ACTR3C: variants seen among roughly 807,000 people sequenced by gnomAD.
The protein encoded by ACTR3C is actin related protein 3C.
ACTR3C carries 18 observed loss-of-function variants against 26.3 expected under a neutral mutation model. The ratio of observed to expected loss-of-function variants is 0.68; its 90% CI spans 0.47 to 1.01. The LOEUF (loss-of-function observed/expected upper bound fraction) is 1.01. ACTR3C is among the 50% of genes least tolerant of loss of function. The pLI is 0.00. For synonymous variants in ACTR3C, 55 were observed against 94.5 expected (o/e 0.58, Z 2.42); for missense variants, 184 against 250.7 (o/e 0.73, Z 1.80).
the ACTR3C span, among the ~76,000 whole-genome samples, chr7:150,118,940 T>TAAA: frequency 2.3e-4 from 32 of 141,016 alleles, no homozygotes; most frequent in Admixed American, 3.5e-4. Context: ...TCAACATTCT[T>TAAA]AAAAAAAAAA....
chr7:150,285,314 G>A (rs1388084017), intron 5 of ACTR3C, among the ~76,000 whole-genome samples: 1 of 152,190 alleles, frequency 6.6e-6, no homozygotes, highest in Admixed American at 6.5e-5. Flanking sequence ...TTTGTTTAAT[G>A]AGAAGGGTTT....
chr7:149,965,071 T>A, the ACTR3C span, among the ~76,000 whole-genome samples: 2 of 151,934 alleles, frequency 1.3e-5, no homozygotes, highest in Non-Finnish European at 2.9e-5. Flanking sequence ...ATTTAACTTT[T>A]CAGAGAGTAC....
the ACTR3C span, among the ~76,000 whole-genome samples, chr7:150,169,689 GAC>G: frequency 6.6e-6 from 1 of 150,794 alleles, no homozygotes; most frequent in Non-Finnish European, 1.5e-5. Context: ...GAAATAGAAA[GAC>G]ACAATTAAGT....
the ACTR3C span, among the ~76,000 whole-genome samples, chr7:150,192,810 TTG>T: frequency 2.0e-5 from 3 of 152,226 alleles, no homozygotes; most frequent in Admixed American, 2.0e-4. Flanking sequence ...TCAAATTTTA[TTG>T]TCAGTTCCTC....
the ACTR3C span, among the ~76,000 whole-genome samples, chr7:149,933,578 C>G: frequency 9.2e-5 from 14 of 152,162 alleles, no homozygotes; most frequent in Non-Finnish European, 1.5e-4. Context: ...CAACAAAAAG[C>G]CATGAGCAAG....
the ACTR3C span, among the ~76,000 whole-genome samples, chr7:149,922,815 T>C: frequency 6.6e-6 from 1 of 151,874 alleles, no homozygotes; most frequent in African/African-American, 2.4e-5. Context: ...CAGAGAACTT[T>C]TCCTAAATGA....
the ACTR3C span, among the ~76,000 whole-genome samples, chr7:150,215,704 C>G: frequency 6.6e-6 from 1 of 151,546 alleles, no homozygotes; most frequent in Admixed American, 6.6e-5. Flanking sequence ...TACCCTCAGA[C>G]AAAACGATTA....
the ACTR3C span, among the ~76,000 whole-genome samples, chr7:150,196,675 C>T: frequency 6.6e-5 from 10 of 152,246 alleles, no homozygotes; most frequent in African/African-American, 2.4e-4. Flanking sequence ...AACAGTTTTG[C>T]GCTTGGAAAT....
At chr7:150,125,546 C>A in the ACTR3C span, among the ~76,000 whole-genome samples, 1 of 151,908 alleles carries the variant, frequency 6.6e-6, no homozygotes, top group Non-Finnish European at 1.5e-5. Context: ...ACAGAAGACT[C>A]CTTTCATAAG....
At chr7:150,322,545 T>C (rs2108851) in intron 1 of ACTR3C, 38,563 of 151,914 alleles carry the variant, frequency 0.25, 5,064 homozygotes, top group East Asian at 0.42. Context: ...ATACTCTATA[T>C]GGTCTAAAAA....
the ACTR3C span, among the ~76,000 whole-genome samples, chr7:150,093,940 T>C: frequency 1.3e-5 from 2 of 150,702 alleles, 1 homozygote; most frequent in African/African-American, 5.0e-5. Flanking sequence ...CCCTGTAGAT[T>C]AGCTTATTGC....
At chr7:150,046,156 G>A in the ACTR3C span, among the ~76,000 whole-genome samples, 1 of 152,140 alleles carries the variant, frequency 6.6e-6, no homozygotes, top group Non-Finnish European at 1.5e-5. Flanking sequence ...AAAATCTGAC[G>A]CAGGGCTGTA....
At chr7:149,909,086 A>T in the ACTR3C span, among the ~76,000 whole-genome samples, 1 of 151,236 alleles carries the variant, frequency 6.6e-6, no homozygotes, top group African/African-American at 2.4e-5. Flanking sequence ...CCAGCCAAGA[A>T]TCCTATCCTT....
chr7:150,175,341 CAT>C, the ACTR3C span, among the ~76,000 whole-genome samples: 1 of 142,366 alleles, frequency 7.0e-6, no homozygotes, highest in Non-Finnish European at 1.5e-5. Context: ...TGGAGATACA[CAT>C]GTTCCCCACC....
the ACTR3C span, among the ~76,000 whole-genome samples, chr7:149,938,872 T>C: frequency 6.7e-6 from 1 of 149,792 alleles, no homozygotes; most frequent in South Asian, 2.1e-4. Context: ...TTAATCTTCA[T>C]CTATTACAGT....
intron 6 of ACTR3C, among the ~76,000 whole-genome samples, chr7:150,278,082 C>T (rs1254934758): frequency 6.6e-6 from 1 of 152,286 alleles, no homozygotes; most frequent in Admixed American, 6.5e-5. Flanking sequence ...TCACACTCCC[C>T]ATTCCCACAT....
the ACTR3C span, chr7:150,076,430 G>T: frequency 1.3e-5 from 2 of 152,168 alleles, no homozygotes; most frequent in African/African-American, 2.4e-5. Context: ...CTGCTAATTT[G>T]TGGATTGATA....
At chr7:150,161,420 T>C in the ACTR3C span, among the ~76,000 whole-genome samples, 1 of 151,538 alleles carries the variant, frequency 6.6e-6, no homozygotes. Context: ...TGTGTCCAAG[T>C]GTTCTCATTG....
the ACTR3C span, among the ~76,000 whole-genome samples, chr7:150,043,981 TC>T: frequency 1.3e-5 from 2 of 152,186 alleles, no homozygotes; most frequent in Admixed American, 1.3e-4. Context: ...AATTGGCCCT[TC>T]CAAGGCTGGT....
Sources: allele counts gnomAD v4.1 joint callset (sites outside exome capture counted in the v4.1 genomes callset), GRCh38; gene constraint gnomAD v4.1.1; transcripts MANE v1.5; gene names NCBI Gene and HGNC (gene_info 2026-07-23, HGNC 2026-07-21).